Variants in ST8SIA2 observed in about 807,000 individuals in gnomAD.
ST8SIA2 encodes ST8 alpha-N-acetyl-neuraminide alpha-2,8-sialyltransferase 2.
A neutral mutation model predicts 37.6 loss-of-function variants in ST8SIA2; 22 were observed. The ratio of observed to expected loss-of-function variants is 0.58; its 90% CI spans 0.42 to 0.83. The LOEUF is 0.83. Among genes scored for constraint, ST8SIA2 ranks in the 40% least tolerant of loss-of-function variants. The pLI, the probability that ST8SIA2 is intolerant of heterozygous loss-of-function variation, is 0.00. For missense variants in ST8SIA2, 382 were observed against 484.7 expected (o/e 0.79, Z 1.99); for synonymous variants, 205 against 201.2 (o/e 1.02, Z -0.16).
intron 1 of ST8SIA2, among the ~76,000 whole-genome samples, chr15:92,408,588 C>G (rs1355738127): frequency 6.6e-5 from 10 of 152,082 alleles, no homozygotes; most frequent in Non-Finnish European, 1.5e-5. Context: ...ACATATTTCT[C>G]TCTATGGCCA....
intron 2 of ST8SIA2, among the ~76,000 whole-genome samples, chr15:92,430,849 T>G (rs1439829555): frequency 6.6e-6 from 1 of 152,232 alleles, no homozygotes; most frequent in African/African-American, 2.4e-5. Flanking sequence ...AATCAGGGCC[T>G]TGTTTTTCTT....
intron 1 of ST8SIA2, among the ~76,000 whole-genome samples, chr15:92,426,614 C>A (rs1224980013): frequency 1.3e-5 from 2 of 152,148 alleles, no homozygotes; most frequent in Non-Finnish European, 2.9e-5. Flanking sequence ...CTCCTCCAAG[C>A]CTGGCTCTCA....
chr15:92,439,358 T>G (rs1205576194), intron 4 of ST8SIA2, among the ~76,000 whole-genome samples: 1 of 152,232 alleles, frequency 6.6e-6, no homozygotes, highest in East Asian at 1.9e-4. Context: ...CATTTTCCAG[T>G]TGCCTGGGAC....
At chr15:92,401,598 G>T (rs984863637) in intron 1 of ST8SIA2, among the ~76,000 whole-genome samples, 1 of 152,128 alleles carries the variant, frequency 6.6e-6, no homozygotes, top group Non-Finnish European at 1.5e-5. Context: ...CAAGCACTTG[G>T]GATCCCGATT....
Position 92,464,532 on chromosome 15 carries a change from C to G in ST8SIA2, c.*147C>G. On this transcript the variant is annotated 3_prime_UTR_variant, in exon 6 of 6. Coordinates refer to ENST00000268164, the MANE Select transcript of ST8SIA2 (RefSeq NM_006011.4). ...AAAACAGTGACCAGAATATATATAT[C>G]TATACCTGCATATATATATTGACCT... is the stretch of plus-strand genomic sequence containing the variant. 1.2e-6 allele frequency: 1 copy of G among 803,710 alleles called. No homozygotes were observed. The highest frequency in any genetic ancestry group is 2.1e-6 in the Non-Finnish European group (1 of 483,590). 49.8% of individuals were successfully genotyped at this position (803,710 alleles called of 1,614,324 possible).
At chr15:92,419,503 G>A (rs780352701) in intron 1 of ST8SIA2, among the ~76,000 whole-genome samples, 2 of 152,162 alleles carry the variant, frequency 1.3e-5, no homozygotes, top group Non-Finnish European at 2.9e-5. Flanking sequence ...AGCAGGACCC[G>A]CATCCTGTGC....
intron 2 of ST8SIA2, 55 bp downstream of exon 2, chr15:92,430,166 CT>C (rs1272024083): frequency 6.5e-7 from 1 of 1,545,574 alleles, no homozygotes; most frequent in Non-Finnish European, 8.9e-7. Context: ...AGCTATTAAT[CT>C]GCTTCTCTTC....
chr15:92,430,751 C>T (rs1304586582), intron 2 of ST8SIA2, among the ~76,000 whole-genome samples: 7 of 152,192 alleles, frequency 4.6e-5, no homozygotes, highest in African/African-American at 9.7e-5. Context: ...TGCCCCATAG[C>T]TATGGCCTGT....
chr15:92,401,939 A>G (rs976035595), intron 1 of ST8SIA2, among the ~76,000 whole-genome samples: 1 of 151,414 alleles, frequency 6.6e-6, no homozygotes. Context: ...CAATGTAGCC[A>G]TGATTATTAA....
chr15:92,456,193 C>A (rs1369592796), intron 5 of ST8SIA2, among the ~76,000 whole-genome samples: 1 of 152,352 alleles, frequency 6.6e-6, no homozygotes, highest in South Asian at 2.1e-4. Flanking sequence ...GCAGGAAAAA[C>A]CCCCAGTGCC....
intron 1 of ST8SIA2, among the ~76,000 whole-genome samples, chr15:92,408,117 G>A (rs1034724815): frequency 6.6e-6 from 1 of 152,120 alleles, no homozygotes; most frequent in Non-Finnish European, 1.5e-5. Context: ...ATTTATAACT[G>A]TGTCTGGAAA....
At chr15:92,431,939 C>T (rs1023088353) in intron 2 of ST8SIA2, among the ~76,000 whole-genome samples, 1 of 152,152 alleles carries the variant, frequency 6.6e-6, no homozygotes, top group Non-Finnish European at 1.5e-5. Flanking sequence ...CCCACACCAG[C>T]ATTTATCTCT....
chr15:92,397,776 G>A (rs1173714355), intron 1 of ST8SIA2, among the ~76,000 whole-genome samples: 2 of 152,200 alleles, frequency 1.3e-5, no homozygotes, highest in South Asian at 2.1e-4. Flanking sequence ...AACATCTGTT[G>A]GATAAATATT....
intron 1 of ST8SIA2, among the ~76,000 whole-genome samples, chr15:92,417,202 A>T (rs975132756): frequency 6.6e-6 from 1 of 152,158 alleles, no homozygotes; most frequent in Non-Finnish European, 1.5e-5. Context: ...CAGGAACCAG[A>T]ACTCCAGTCC....
chr15:92,427,190 G>C (rs1335543975), intron 1 of ST8SIA2, among the ~76,000 whole-genome samples: 1 of 148,226 alleles, frequency 6.7e-6, no homozygotes, highest in Non-Finnish European at 1.5e-5. Context: ...ATCATGTTAC[G>C]CATAGTATAT....
intron 1 of ST8SIA2, among the ~76,000 whole-genome samples, chr15:92,417,873 G>A (rs1482304515): frequency 6.6e-6 from 1 of 152,162 alleles, no homozygotes; most frequent in East Asian, 1.9e-4. Flanking sequence ...TGTGAGCGGA[G>A]AGTCTAGCTT....
At chr15:92,395,530 T>A (rs181958160) in intron 1 of ST8SIA2, among the ~76,000 whole-genome samples, 3 of 152,314 alleles carry the variant, frequency 2.0e-5, no homozygotes, top group African/African-American at 7.2e-5. Flanking sequence ...TCTCCCTGCC[T>A]CTTTCTCCTC....
intron 1 of ST8SIA2, among the ~76,000 whole-genome samples, chr15:92,412,271 G>A (rs936186607): frequency 6.6e-6 from 1 of 151,790 alleles, no homozygotes; most frequent in African/African-American, 2.4e-5. Flanking sequence ...AGAAATGAGA[G>A]GAGGGAAGGA....
intron 1 of ST8SIA2, among the ~76,000 whole-genome samples, chr15:92,411,364 G>T (rs578195127): frequency 6.6e-6 from 1 of 151,988 alleles, no homozygotes; most frequent in African/African-American, 2.4e-5. Flanking sequence ...ATTGAGGGTC[G>T]GGCGGGGGTG....
Sources: allele counts gnomAD v4.1 joint callset (sites outside exome capture counted in the v4.1 genomes callset), GRCh38; gene constraint gnomAD v4.1.1; transcripts MANE v1.5; gene names NCBI Gene and HGNC (gene_info 2026-07-23, HGNC 2026-07-21).